GPC6: variants seen among roughly 807,000 people sequenced by gnomAD.
The protein encoded by GPC6 is glypican-6.
A neutral mutation model predicts 55.2 loss-of-function variants in GPC6; 14 were observed. The observed-to-expected ratio is 0.25, with a 90% CI of 0.17 to 0.40. GPC6 has a LOEUF of 0.40. Ranked by LOEUF, GPC6 falls within the 10% of genes least tolerant of loss-of-function variation. The pLI is 1.00. For synonymous variants in GPC6, 278 were observed against 259.6 expected, an observed-to-expected ratio of 1.07 and a Z score of -0.68; for missense variants, 641 against 708.5, an observed-to-expected ratio of 0.90 and a Z score of 1.08.
intron 3 of GPC6, among the ~76,000 whole-genome samples, chr13:94,024,841 A>G (rs1057260348): frequency 2.0e-5 from 3 of 152,190 alleles, no homozygotes; most frequent in African/African-American, 4.8e-5. Flanking sequence ...GCTAAGATGT[A>G]TAAAATCATC....
rs191788519 is a variant in GPC6, at chr13:94,086,432, G to C, written c.877+58538G>C. Among the ~76,000 whole-genome samples the C allele has an allele frequency of 2.8e-4, 43 of 152,030 alleles. 1 individual carries two copies. The East Asian group carries it at 7.0e-3, about 25-fold the overall frequency. On this transcript the variant is annotated intron_variant, in intron 4 of 8. Transcript: ENST00000377047. ...CACACCCCAGCCATAGCACCCCAAG[G>C]ACTGGGGAGAGGCAGATCACATTCA... is the stretch of plus-strand genomic sequence containing the variant.
In GPC6 at chr13:93,673,144, A is replaced by C. The variant is rs1018154334; in HGVS notation, c.319+127723A>C. Among the ~76,000 whole-genome samples, 54 of 152,090 alleles carry C rather than the reference A, an allele frequency of 3.6e-4. 2 individuals are homozygous for C. The highest frequency in any genetic ancestry group is 2.1e-4 in the South Asian group (1 of 4,828). Reference sequence around the variant, plus strand: ...TGGCAGTTAGGTGGAGAAACCAACCAACCCAACAGGCAAGAAGGAGGAGGC... The same window carrying C: ...TGGCAGTTAGGTGGAGAAACCAACCCACCCAACAGGCAAGAAGGAGGAGGC... On this transcript the variant is annotated intron_variant, in intron 2 of 8. Transcript: ENST00000377047.
chr13:93,449,405 A>T (rs4412846), intron 1 of GPC6, among the ~76,000 whole-genome samples: 90,529 of 152,072 alleles, frequency 0.6, 27,910 homozygotes, highest in Middle Eastern at 0.73. Context: ...AGAGATTGAA[A>T]TGAGTTTTAT....
At chr13:93,893,822 C>A (rs758259054) in intron 3 of GPC6, among the ~76,000 whole-genome samples, 1 of 152,138 alleles carries the variant, frequency 6.6e-6, no homozygotes, top group Non-Finnish European at 1.5e-5. Context: ...TAATTTTTTT[C>A]ATCTTTCAAT....
chr13:93,412,362 A>C (rs1223682841), intron 1 of GPC6, among the ~76,000 whole-genome samples: 1 of 152,150 alleles, frequency 6.6e-6, no homozygotes, highest in African/African-American at 2.4e-5. Context: ...TTCATTAAAA[A>C]ATGTCAGGCC....
At chr13:94,022,822 T>C (rs1317883143) in intron 3 of GPC6, among the ~76,000 whole-genome samples, 1 of 152,106 alleles carries the variant, frequency 6.6e-6, no homozygotes, top group Non-Finnish European at 1.5e-5. Flanking sequence ...TGACTAATGA[T>C]GTTGGGAACC....
At chr13:93,507,561 T>C (rs1156359698) in intron 1 of GPC6, among the ~76,000 whole-genome samples, 1 of 152,200 alleles carries the variant, frequency 6.6e-6, no homozygotes, top group Admixed American at 6.5e-5. Flanking sequence ...ACTTCAGTAT[T>C]ATGGATAATG....
intron 4 of GPC6, among the ~76,000 whole-genome samples, chr13:94,218,923 G>A (rs765227839): frequency 6.6e-6 from 1 of 152,090 alleles, no homozygotes; most frequent in Non-Finnish European, 1.5e-5. Context: ...TGGTTACTCT[G>A]GAAGACACCT....
chr13:93,974,950 G>A (rs1375259979), intron 3 of GPC6, among the ~76,000 whole-genome samples: 1 of 152,146 alleles, frequency 6.6e-6, no homozygotes, highest in Non-Finnish European at 1.5e-5. Flanking sequence ...AGAAAGCCAG[G>A]ATGCAGAGCC....
intron 2 of GPC6, among the ~76,000 whole-genome samples, chr13:93,714,396 C>A (rs1346564969): frequency 6.6e-6 from 1 of 151,830 alleles, no homozygotes; most frequent in Non-Finnish European, 1.5e-5. Flanking sequence ...CCATCTCACA[C>A]CAGTCAGAAT....
Position 93,991,965 on chromosome 13 carries a change from A to G in GPC6, c.712-35764A>G, listed in dbSNP as rs567852646. 5.3e-5 allele frequency among the ~76,000 whole-genome samples: 8 copies of G among 152,170 alleles called. No individual in the cohort carries two copies. In the South Asian group the frequency reaches 1.7e-3, roughly 32 times the overall value. On this transcript the variant is annotated intron_variant, in intron 3 of 8. Coordinates refer to ENST00000377047, the MANE Select transcript of GPC6 (RefSeq NM_005708.5). ...GCTTTGTGTATTTCCATAAAACTAT[A>G]TATACATACATGTGGCATATACATA... is the stretch of plus-strand genomic sequence containing the variant.
At chr13:93,625,981 A>G (rs1399091834) in intron 2 of GPC6, among the ~76,000 whole-genome samples, 2 of 152,002 alleles carry the variant, frequency 1.3e-5, no homozygotes, top group African/African-American at 4.8e-5. Flanking sequence ...CAGTTCTGCT[A>G]TAATGCTTGT....
chr13:94,055,106 A>T (rs997070687), intron 4 of GPC6, among the ~76,000 whole-genome samples: 5 of 152,166 alleles, frequency 3.3e-5, no homozygotes, highest in Admixed American at 1.3e-4. Flanking sequence ...TCTGACAGGG[A>T]AGGAAGCTGG....
At chr13:94,039,795 A>G (rs966766473) in intron 4 of GPC6, among the ~76,000 whole-genome samples, 1 of 151,744 alleles carries the variant, frequency 6.6e-6, no homozygotes, top group African/African-American at 2.4e-5. Context: ...GATGGCCTGC[A>G]TTTTTCTTCC....
At chr13:94,394,515 CAT>C (rs1361660475) in intron 7 of GPC6, among the ~76,000 whole-genome samples, 2 of 152,158 alleles carry the variant, frequency 1.3e-5, no homozygotes, top group African/African-American at 4.8e-5. Flanking sequence ...GGCTCAAAGA[CAT>C]ATCTATTCTT....
intron 4 of GPC6, among the ~76,000 whole-genome samples, chr13:94,183,436 T>C (rs1889065274): frequency 6.6e-6 from 1 of 152,230 alleles, no homozygotes. Flanking sequence ...ATTTAATATA[T>C]ACCACATTTT....
At chr13:94,296,930 T>A (rs1875363890) in intron 5 of GPC6, among the ~76,000 whole-genome samples, 2 of 152,020 alleles carry the variant, frequency 1.3e-5, no homozygotes, top group African/African-American at 4.8e-5. Context: ...TTCATATAAC[T>A]GTAAGTTTAT....
At chr13:93,223,132 G>A (rs150787757), upstream of GPC6, among the ~76,000 whole-genome samples, 71 of 146,492 alleles carry the variant, frequency 4.8e-4, no homozygotes, top group African/African-American at 1.7e-3. Flanking sequence ...ATCCCTTGGT[G>A]GTGAGCACAA....
At chr13:93,822,576 C>T (rs1191917363) in intron 2 of GPC6, among the ~76,000 whole-genome samples, 3 of 151,988 alleles carry the variant, frequency 2.0e-5, no homozygotes, top group South Asian at 2.1e-4. Flanking sequence ...AGGTATTTCT[C>T]CTAATGCTAT....
Sources: allele counts gnomAD v4.1 joint callset (sites outside exome capture counted in the v4.1 genomes callset), GRCh38; gene constraint gnomAD v4.1.1; transcripts MANE v1.5; gene names NCBI Gene and HGNC (gene_info 2026-07-23, HGNC 2026-07-21).